Variants in TBC1D14 observed in about 807,000 individuals in gnomAD.
The protein encoded by TBC1D14 is TBC1 domain family member 14, also known as TBC1 domain family, member 14.
Under a neutral mutation model 79.0 loss-of-function variants are expected in TBC1D14, and 26 were observed. The ratio of observed to expected loss-of-function variants is 0.33; its 90% CI spans 0.24 to 0.46. TBC1D14 has a LOEUF of 0.46. Among genes scored for constraint, TBC1D14 ranks in the 20% least tolerant of loss-of-function variants. The pLI, the probability that TBC1D14 is intolerant of heterozygous loss-of-function variation, is 1.00. For missense variants in TBC1D14, 769 were observed against 887.6 expected (o/e 0.87, Z 1.70); for synonymous variants, 394 against 349.9 (o/e 1.13, Z -1.40).
In TBC1D14 at chr4:6,923,579, G is replaced by A. The variant is rs1261660513; in HGVS notation, c.190G>A (p.Val64Met). ...ALEDRHSLQS[V>M]DSGIPTLEIG... ...AGAAGACCGGCACAGCCTCCAGTCC[G>A]TGGACTCGGGGATTCCTACCCTGGA... The change falls in exon 2 of 14, where the codon GTG becomes ATG. Residue 64 changes from valine to methionine, a missense_variant. Transcript: ENST00000409757. The A allele has an allele frequency of 5.0e-6, 8 of 1,613,978 alleles. No individual in the cohort carries two copies. The highest frequency in any genetic ancestry group is 5.1e-6 in the Non-Finnish European group (6 of 1,180,012).
intron 9 of TBC1D14, chr4:7,007,410 A>T: frequency 1.9e-6 from 1 of 527,242 alleles, no homozygotes; most frequent in Non-Finnish European, 3.1e-6. Context: ...AGCAGACGTT[A>T]ATCTGGGGAT....
intron 2 of TBC1D14, among the ~76,000 whole-genome samples, chr4:6,929,627 G>A (rs1337524702): frequency 1.3e-5 from 2 of 152,118 alleles, no homozygotes; most frequent in Non-Finnish European, 2.9e-5. Context: ...GGTAGGAGGG[G>A]AGACCACAGA....
intron 1 of TBC1D14, 126 bp from the exon 2 acceptor site, chr4:6,923,247 G>A: frequency 2.8e-6 from 3 of 1,075,290 alleles, no homozygotes; most frequent in Non-Finnish European, 3.9e-6. Context: ...ATCAAAACTT[G>A]GGTATGTGGA....
chr4:7,010,864 A>G, intron 11 of TBC1D14, 83 bp downstream of exon 11: 1 of 1,473,038 alleles, frequency 6.8e-7, no homozygotes, highest in South Asian at 1.3e-5. Context: ...TTCGGTGGAA[A>G]AAAAGAATAC....
At chr4:7,019,833 G>A (rs1471708484) in intron 12 of TBC1D14, among the ~76,000 whole-genome samples, 1 of 70,364 alleles carries the variant, frequency 1.4e-5, no homozygotes, top group Non-Finnish European at 2.6e-5. Flanking sequence ...GGACCCTGGG[G>A]CACAGAGGTG....
chr4:7,030,492 C>T lies in TBC1D14; in HGVS notation c.*100C>T. 5.6e-6 allele frequency: 7 copies of T among 1,249,948 alleles called. No homozygotes were observed. The highest frequency in any genetic ancestry group is 1.9e-5 in the Admixed American group (1 of 52,022). The allele number at this position is 1,249,948 out of a possible 1,614,324, so 77.4% of individuals were successfully genotyped here. On this transcript the variant is annotated 3_prime_UTR_variant, in exon 14 of 14. Coordinates refer to ENST00000409757, the MANE Select transcript of TBC1D14 (RefSeq NM_020773.3). ...CCCGGGCAGCCGAGAAGAACAGACG[C>T]TCTTTAAGTTTGATTCCTAACACTG...
chr4:7,000,311 G>A (rs3857169), intron 6 of TBC1D14, among the ~76,000 whole-genome samples: 64,613 of 151,986 alleles, frequency 0.43, 14,468 homozygotes, highest in East Asian at 0.6. Context: ...GACTGCACAC[G>A]GACGCTGCCT....
At chr4:6,956,179 A>G (rs957557391) in intron 2 of TBC1D14, among the ~76,000 whole-genome samples, 1 of 152,138 alleles carries the variant, frequency 6.6e-6, no homozygotes, top group African/African-American at 2.4e-5. Context: ...TTCTTAGAGA[A>G]TTCCCCAAAC....
At chr4:6,967,180 C>G in intron 2 of TBC1D14, 124 bp from the exon 3 acceptor site, 1 of 1,256,492 alleles carries the variant, frequency 8.0e-7, no homozygotes. Context: ...AAAATCAAGT[C>G]TGAAGAATTA....
intron 2 of TBC1D14, 113 bp downstream of exon 2, chr4:6,924,224 C>T: frequency 3.6e-6 from 5 of 1,382,830 alleles, no homozygotes; most frequent in Non-Finnish European, 4.8e-6. Flanking sequence ...GGCACTGTCT[C>T]ACACAGATAA....
intron 13 of TBC1D14, among the ~76,000 whole-genome samples, chr4:7,025,916 GA>G (rs200202148): frequency 6.6e-6 from 1 of 150,794 alleles, no homozygotes; most frequent in South Asian, 2.1e-4. Context: ...TACTAAAAAG[GA>G]AAAAAAAACC....
At chr4:6,939,510 G>A (rs1712697282) in intron 2 of TBC1D14, among the ~76,000 whole-genome samples, 1 of 152,164 alleles carries the variant, frequency 6.6e-6, no homozygotes, top group African/African-American at 2.4e-5. Context: ...CCAGATGGTT[G>A]AATTCAGACG....
chr4:6,913,779 G>C (rs765377982), intron 1 of TBC1D14, among the ~76,000 whole-genome samples: 2 of 152,134 alleles, frequency 1.3e-5, no homozygotes, highest in South Asian at 4.1e-4. Context: ...TAGTTAATTA[G>C]TAATTTACCA....
chr4:6,940,299 G>C (rs781383716), intron 2 of TBC1D14, among the ~76,000 whole-genome samples: 10 of 152,192 alleles, frequency 6.6e-5, no homozygotes, highest in Non-Finnish European at 1.3e-4. Context: ...GTTCAGCCCT[G>C]GTCTGTGGGA....
chr4:7,015,128 G>A (rs1721154436), intron 12 of TBC1D14, among the ~76,000 whole-genome samples: 1 of 152,082 alleles, frequency 6.6e-6, no homozygotes, highest in African/African-American at 2.4e-5. Context: ...GGTCACGGTG[G>A]CTCTTAGACC....
chr4:6,946,726 T>A (rs1486798445), intron 2 of TBC1D14, among the ~76,000 whole-genome samples: 1 of 151,982 alleles, frequency 6.6e-6, no homozygotes, highest in East Asian at 1.9e-4. Context: ...GCTAGAGAGG[T>A]TCATTTCTTG....
At chr4:6,936,313 C>A (rs1712323900) in intron 2 of TBC1D14, among the ~76,000 whole-genome samples, 1 of 152,230 alleles carries the variant, frequency 6.6e-6, no homozygotes, top group Admixed American at 6.5e-5. Flanking sequence ...ACCTGTCCGT[C>A]TCTCTTTTTC....
intron 5 of TBC1D14, among the ~76,000 whole-genome samples, chr4:6,996,773 C>T (rs773024923): frequency 2.6e-4 from 39 of 152,128 alleles, no homozygotes; most frequent in Admixed American, 2.3e-3. Context: ...CTGTGTCTCT[C>T]GCAGAAGGCT....
rs761268720 is a variant in TBC1D14 at position 7,025,034 on chromosome 4, C to G, written c.1788C>G (p.Pro596=). 1.1e-5 allele frequency: 18 copies of G among 1,614,084 alleles called. No homozygotes were observed. Among genetic ancestry groups the G allele is most frequent in the African/African-American group, 5.3e-5 (4 of 74,924 alleles). Residue 596 remains proline (P), a synonymous_variant, in exon 13 of 14, where the codon CCC becomes CCG. Transcript: ENST00000409757. ...WIFTLYSKSL[P]LDLACRIWDV... ...TTACCTTATATAGTAAATCTCTGCC[C>G]CTCGACCTGGCCTGTCGTATCTGGG...
Sources: gnomAD v4.1 joint callset for allele counts (sites outside exome capture counted in the v4.1 genomes callset) on GRCh38, gnomAD v4.1.1 for gene constraint, MANE v1.5 for transcripts, NCBI Gene and HGNC (gene_info 2026-07-23, HGNC 2026-07-21) for gene names.